Variants in MACROD2 observed in about 807,000 individuals in gnomAD.
MACROD2 encodes the protein mono-ADP ribosylhydrolase 2.
A neutral mutation model predicts 70.4 loss-of-function variants in MACROD2; 36 were observed. That is an observed-to-expected ratio of 0.51 (90% CI 0.39 to 0.68). MACROD2 has a LOEUF of 0.68. MACROD2 is among the 30% of genes least tolerant of loss of function. MACROD2 has a pLI of 0.00. For missense variants in MACROD2, 496 were observed against 538.4 expected, an observed-to-expected ratio of 0.92 and a Z score of 0.78; for synonymous variants, 172 against 178.8, an observed-to-expected ratio of 0.96 and a Z score of 0.30.
chr20:14,875,179 G>A (rs1276326860), intron 5 of MACROD2, among the ~76,000 whole-genome samples: 3 of 151,854 alleles, frequency 2.0e-5, no homozygotes, highest in East Asian at 1.9e-4. Context: ...TCAGGAGTTC[G>A]AGACCAGCCT....
chr20:15,659,846 T>C (rs1568958336), intron 8 of MACROD2, among the ~76,000 whole-genome samples: 1 of 152,134 alleles, frequency 6.6e-6, no homozygotes, highest in Non-Finnish European at 1.5e-5. Flanking sequence ...AACAGACATA[T>C]GAGGGAGGCC....
chr20:14,704,135 T>C (rs1311658370), intron 5 of MACROD2, among the ~76,000 whole-genome samples: 1 of 152,212 alleles, frequency 6.6e-6, no homozygotes, highest in African/African-American at 2.4e-5. Flanking sequence ...TCTTATGATT[T>C]CTTCCAGCAT....
chr20:14,372,475 T>G (rs984925085), intron 3 of MACROD2, among the ~76,000 whole-genome samples: 1 of 152,150 alleles, frequency 6.6e-6, no homozygotes, highest in African/African-American at 2.4e-5. Flanking sequence ...TTGTGCCTTG[T>G]GTCTTTTTAG....
At chr20:15,957,512 A>G (rs1317601364) in intron 12 of MACROD2, among the ~76,000 whole-genome samples, 1 of 152,170 alleles carries the variant, frequency 6.6e-6, no homozygotes, top group African/African-American at 2.4e-5. Flanking sequence ...ACCTCTGTTT[A>G]ATTAAGATCC....
At chr20:15,766,525 C>T (rs17704936) in intron 8 of MACROD2, among the ~76,000 whole-genome samples, 17,104 of 152,182 alleles carry the variant, frequency 0.11, 1,225 homozygotes, top group Middle Eastern at 0.28. Context: ...CTACCAGTTT[C>T]TTGGCCAGCT....
intron 15 of MACROD2, among the ~76,000 whole-genome samples, chr20:16,007,648 T>C (rs1268469574): frequency 2.0e-5 from 3 of 152,208 alleles, no homozygotes. Flanking sequence ...TCTACTTTTC[T>C]TCAAACTGAA....
chr20:15,638,403 G>T (rs1600699852), intron 8 of MACROD2, among the ~76,000 whole-genome samples: 1 of 152,186 alleles, frequency 6.6e-6, no homozygotes, highest in Middle Eastern at 3.2e-3. Context: ...AGTGTGCGAG[G>T]CTTGGAATGA....
chr20:15,022,472 A>G (rs1478198712), intron 5 of MACROD2, among the ~76,000 whole-genome samples: 17 of 152,182 alleles, frequency 1.1e-4, no homozygotes, highest in Admixed American at 1.1e-3. Context: ...ATGGAATTTT[A>G]CTTGAAAGGG....
intron 5 of MACROD2, among the ~76,000 whole-genome samples, chr20:15,084,075 T>TTTGTTTTTTTG (rs1555780905): frequency 1.4e-4 from 7 of 50,224 alleles, no homozygotes; most frequent in South Asian, 1.3e-3. Context: ...TTTTTTTGTT[T>TTTGTTTTTTTG]TTTTTTTTTA....
At chr20:15,738,609 T>C (rs1211255586) in intron 8 of MACROD2, among the ~76,000 whole-genome samples, 2 of 152,130 alleles carry the variant, frequency 1.3e-5, no homozygotes, top group East Asian at 3.9e-4. Flanking sequence ...AAGCACAAAA[T>C]GATTCAAAGT....
At chr20:16,048,168 G>C (rs1398094911) in intron 17 of MACROD2, among the ~76,000 whole-genome samples, 6 of 152,140 alleles carry the variant, frequency 3.9e-5, no homozygotes, top group Non-Finnish European at 7.4e-5. Flanking sequence ...AACAAATTCT[G>C]AAGTTGAATT....
intron 5 of MACROD2, among the ~76,000 whole-genome samples, chr20:14,943,492 G>A (rs931846566): frequency 1.3e-5 from 2 of 151,476 alleles, no homozygotes; most frequent in African/African-American, 2.4e-5. Flanking sequence ...CTAATTAATT[G>A]TCTCATAATA....
chr20:15,987,756 T>A (rs1390650312), intron 15 of MACROD2, among the ~76,000 whole-genome samples: 3 of 152,088 alleles, frequency 2.0e-5, no homozygotes, highest in African/African-American at 7.2e-5. Context: ...TGTATTGGAG[T>A]GAAGATAGAA....
At chr20:14,336,949 T>G (rs1039024612) in intron 3 of MACROD2, among the ~76,000 whole-genome samples, 1 of 152,212 alleles carries the variant, frequency 6.6e-6, no homozygotes, top group Non-Finnish European at 1.5e-5. Context: ...GAGCAAGATG[T>G]ATGCTTTTCA....
chr20:13,995,678 C>T lies in MACROD2; in HGVS notation c.-86C>T. The T allele has an allele frequency of 1.0e-6, 1 of 995,320 alleles. No homozygotes were observed. The highest frequency in any genetic ancestry group is 1.3e-5 in the South Asian group (1 of 76,228). 61.7% of individuals were successfully genotyped at this position (995,320 alleles called of 1,614,324 possible). ...TCACTTTTTCCCTGCTGAGTGCCCCCTCCCACCCCTCCCACTCCACACACA... is the reference window on the plus strand; with the variant it reads ...TCACTTTTTCCCTGCTGAGTGCCCCTTCCCACCCCTCCCACTCCACACACA... On this transcript the variant is annotated 5_prime_UTR_variant, in exon 1 of 18. Transcript: ENST00000684519. The surrounding 1 kb of genome is among the most constrained non-coding windows in gnomAD (Gnocchi z 4.3).
At chr20:15,360,142 A>G (rs1250549536) in intron 6 of MACROD2, among the ~76,000 whole-genome samples, 4 of 152,230 alleles carry the variant, frequency 2.6e-5, no homozygotes, top group African/African-American at 2.4e-5. Flanking sequence ...TCCACTCGGT[A>G]TAATGACAGA....
At chr20:15,691,026 A>C (rs1035730450) in intron 8 of MACROD2, among the ~76,000 whole-genome samples, 1 of 152,192 alleles carries the variant, frequency 6.6e-6, no homozygotes, top group African/African-American at 2.4e-5. Context: ...AAGATTAAGC[A>C]ACTTCTCTGG....
chr20:15,651,653 A>G (rs934392971), intron 8 of MACROD2, among the ~76,000 whole-genome samples: 1 of 152,028 alleles, frequency 6.6e-6, no homozygotes, highest in East Asian at 1.9e-4. Flanking sequence ...TTTCAATCCA[A>G]TCATCCTCCC....
At position 15,066,807 on chromosome 20, in the gene MACROD2, G is replaced by A. The variant is rs138504824; in HGVS notation, c.419-163133G>A. Reference sequence around the variant, plus strand: ...TGAGGCAGGAGAATCGCTTGAACCCGCAAGGCGGAGGTTGCAGTGAGCCAA... The same window carrying A: ...TGAGGCAGGAGAATCGCTTGAACCCACAAGGCGGAGGTTGCAGTGAGCCAA... On this transcript the variant is annotated intron_variant, in intron 5 of 17. Coordinates refer to ENST00000684519, the MANE Select transcript of MACROD2 (RefSeq NM_001351661.2). 2.1e-3 allele frequency among the ~76,000 whole-genome samples: 312 copies of A among 151,390 alleles called. 7 individuals carry two copies. In the East Asian group the frequency reaches 0.037, roughly 18 times the overall value.
Sources: allele counts gnomAD v4.1 joint callset (sites outside exome capture counted in the v4.1 genomes callset), GRCh38; gene constraint gnomAD v4.1.1; non-coding constraint Gnocchi (gnomAD v3.1); transcripts MANE v1.5; gene names NCBI Gene and HGNC (gene_info 2026-07-23, HGNC 2026-07-21).